The following CTIF variants were observed in gnomAD, a reference collection of about 807,000 sequenced individuals.
CTIF encodes cap binding complex dependent translation initiation factor, also known as CBP80/20-dependent translation initiation factor.
CTIF carries 21 observed loss-of-function variants against 66.0 expected under a neutral mutation model. The observed-to-expected ratio is 0.32, with a 90% CI of 0.23 to 0.46. CTIF has a LOEUF of 0.46. CTIF is among the 20% of genes least tolerant of loss of function. The probability of loss-of-function intolerance (pLI) is 1.00; values close to 1 mark genes in which losing one functional copy is unlikely to be tolerated. For synonymous variants in CTIF, 345 were observed against 326.4 expected (o/e 1.06, Z -0.62); for missense variants, 739 against 812.7 (o/e 0.91, Z 1.10).
chr18:48,607,280 G>C (rs937386647), intron 1 of CTIF, among the ~76,000 whole-genome samples: 4 of 152,186 alleles, frequency 2.6e-5, no homozygotes, highest in Non-Finnish European at 5.9e-5. Context: ...AGGGAGAGCT[G>C]TAAGAGCGCT....
chr18:48,726,305 C>G (rs2092386810), intron 7 of CTIF, among the ~76,000 whole-genome samples: 1 of 152,178 alleles, frequency 6.6e-6, no homozygotes, highest in Admixed American at 6.5e-5. Flanking sequence ...TTGGGGTTAT[C>G]TATTGCTGTG....
At chr18:48,752,479 C>T (rs1277569336) in intron 7 of CTIF, among the ~76,000 whole-genome samples, 1 of 152,224 alleles carries the variant, frequency 6.6e-6, no homozygotes, top group African/African-American at 2.4e-5. Flanking sequence ...TGGCGTGTTA[C>T]AGCAAAAACA....
chr18:48,810,110 G>A (rs1041656269), intron 9 of CTIF, among the ~76,000 whole-genome samples: 1 of 151,884 alleles, frequency 6.6e-6, no homozygotes, highest in Non-Finnish European at 1.5e-5. Flanking sequence ...AAATTTCATA[G>A]GTAGGTAATA....
rs1238465395 is a variant in CTIF, at chr18:48,852,248, A to C, written c.1528-5340A>C. Reference sequence around the variant, plus strand: ...GACCCTGTCTTAAAAAAAAAAAAAAAAAAAAAAAAAAAAAGTTCCAGCAAG... The same window carrying C: ...GACCCTGTCTTAAAAAAAAAAAAAACAAAAAAAAAAAAAAGTTCCAGCAAG... On this transcript the variant is annotated intron_variant, in intron 10 of 11. Transcript: ENST00000256413. Among the ~76,000 whole-genome samples the C allele has an allele frequency of 3.2e-4, 47 of 145,996 alleles. 1 individual carries two copies. Among genetic ancestry groups the C allele is most frequent in the Admixed American group, 2.7e-4 (4 of 14,754 alleles).
intron 10 of CTIF, among the ~76,000 whole-genome samples, chr18:48,817,605 A>T (rs968920146): frequency 6.6e-6 from 1 of 152,048 alleles, no homozygotes; most frequent in East Asian, 1.9e-4. Context: ...ATGAAACCCC[A>T]TCTCTACTAA....
intron 7 of CTIF, among the ~76,000 whole-genome samples, chr18:48,741,035 A>G (rs1200012802): frequency 2.6e-5 from 4 of 152,148 alleles, no homozygotes; most frequent in Admixed American, 2.0e-4. Context: ...GCCACTGTCT[A>G]CCCCATAGAA....
chr18:48,616,207 G>C (rs1341174625), intron 1 of CTIF, among the ~76,000 whole-genome samples: 1 of 152,242 alleles, frequency 6.6e-6, no homozygotes, highest in Non-Finnish European at 1.5e-5. Flanking sequence ...AAGATCTGAC[G>C]TCTTCCAGGA....
intron 7 of CTIF, among the ~76,000 whole-genome samples, chr18:48,757,582 C>T (rs1007914951): frequency 1.3e-5 from 2 of 152,188 alleles, no homozygotes; most frequent in Admixed American, 1.3e-4. Context: ...ATGACAGAGT[C>T]AGAGGCAGGA....
intron 1 of CTIF, among the ~76,000 whole-genome samples, chr18:48,577,198 T>C (rs2089552051): frequency 6.6e-6 from 1 of 152,236 alleles, no homozygotes; most frequent in African/African-American, 2.4e-5. Flanking sequence ...CTGACCTGTG[T>C]TTCCGCCCCA....
At chr18:48,735,848 A>G (rs1029924435) in intron 7 of CTIF, among the ~76,000 whole-genome samples, 1 of 152,168 alleles carries the variant, frequency 6.6e-6, no homozygotes, top group African/African-American at 2.4e-5. Context: ...AGCTGCAGCC[A>G]TCAATCTGGG....
chr18:48,607,273 G>T (rs16949614), intron 1 of CTIF, among the ~76,000 whole-genome samples: 2 of 152,044 alleles, frequency 1.3e-5, no homozygotes, highest in Admixed American at 6.5e-5. Context: ...AGAATTCAGG[G>T]AGAGCTGTAA....
intron 1 of CTIF, among the ~76,000 whole-genome samples, chr18:48,594,102 G>A (rs1193689887): frequency 1.3e-5 from 2 of 148,494 alleles, no homozygotes; most frequent in Non-Finnish European, 3.0e-5. Flanking sequence ...CCTGCAATGT[G>A]CAGCAGACAG....
At chr18:48,592,263 G>A (rs1252557922) in intron 1 of CTIF, among the ~76,000 whole-genome samples, 2 of 152,090 alleles carry the variant, frequency 1.3e-5, no homozygotes, top group African/African-American at 2.4e-5. Flanking sequence ...CAGCACTTTG[G>A]GAGACTGAGG....
At chr18:48,723,197 G>A (rs2092356648) in intron 7 of CTIF, among the ~76,000 whole-genome samples, 1 of 152,076 alleles carries the variant, frequency 6.6e-6, no homozygotes, top group Admixed American at 6.5e-5. Context: ...CCCCTCCCTG[G>A]CTGCCTCCTA....
At chr18:48,752,135 T>C (rs1235908949) in intron 7 of CTIF, among the ~76,000 whole-genome samples, 1 of 152,238 alleles carries the variant, frequency 6.6e-6, no homozygotes, top group Non-Finnish European at 1.5e-5. Flanking sequence ...ACATGAACTT[T>C]TGCCTAGGCT....
chr18:48,787,818 T>C (rs1025387124), intron 9 of CTIF, among the ~76,000 whole-genome samples: 1 of 152,174 alleles, frequency 6.6e-6, no homozygotes, highest in Non-Finnish European at 1.5e-5. Context: ...TCCTGCCCAA[T>C]TCTTCTGCTC....
At chr18:48,773,216 A>C (rs1198593040) in intron 9 of CTIF, among the ~76,000 whole-genome samples, 2 of 152,182 alleles carry the variant, frequency 1.3e-5, no homozygotes, top group Non-Finnish European at 2.9e-5. Context: ...CAGTTGAGAG[A>C]CTTGAGGCCT....
chr18:48,718,672 A>G (rs2092304900), intron 7 of CTIF, among the ~76,000 whole-genome samples: 1 of 152,140 alleles, frequency 6.6e-6, no homozygotes, highest in Non-Finnish European at 1.5e-5. Context: ...ATCTTTACTC[A>G]GTCTACTGAC....
rs777194047 is a variant in CTIF at position 48,758,261 on chromosome 18, G to A, written c.927G>A (p.Glu309=). The change falls in exon 8 of 12, where the codon GAG becomes GAA. Residue 309 remains glutamate (E), a synonymous_variant. Transcript: ENST00000256413. The part of the protein sequence containing the change: ...SPDTLAPVAS[E]RLPPQQSGGP... ...ACACCCTGGCCCCGGTGGCTTCTGA[G>A]CGGCTGCCCCCACAGCAGTCAGGGG... The A allele has an allele frequency of 5.6e-6, 9 of 1,613,454 alleles. No homozygotes were observed. Among genetic ancestry groups the A allele is most frequent in the East Asian group, 2.2e-5 (1 of 44,880 alleles).
Sources: allele counts gnomAD v4.1 joint callset (sites outside exome capture counted in the v4.1 genomes callset), GRCh38; gene constraint gnomAD v4.1.1; transcripts MANE v1.5; gene names NCBI Gene and HGNC (gene_info 2026-07-23, HGNC 2026-07-21).